Variants in ARHGEF26 observed in about 807,000 individuals in gnomAD.
ARHGEF26 encodes Rho guanine nucleotide exchange factor (GEF) 26.
ARHGEF26 carries 59 observed loss-of-function variants against 89.4 expected under a neutral mutation model. The ratio of observed to expected loss-of-function variants is 0.66; its 90% CI spans 0.54 to 0.82. ARHGEF26 has a LOEUF of 0.82. Among genes scored for constraint, ARHGEF26 ranks in the 40% least tolerant of loss-of-function variants. The probability of loss-of-function intolerance (pLI) is 0.00; values close to 1 mark genes in which losing one functional copy is unlikely to be tolerated. For missense variants in ARHGEF26, 1,234 were observed against 1,085.6 expected (o/e 1.14, Z -1.92); for synonymous variants, 500 against 428.4 (o/e 1.17, Z -2.06).
chr3:154,250,533 A>G (rs1310452773), intron 12 of ARHGEF26, among the ~76,000 whole-genome samples: 1 of 152,244 alleles, frequency 6.6e-6, no homozygotes, highest in African/African-American at 2.4e-5. Flanking sequence ...AGCATGCCAC[A>G]GAAGTGAAAG....
At position 154,150,823 on chromosome 3, in the gene ARHGEF26, A is replaced by T. The variant is rs77741542; in HGVS notation, c.1326+1378A>T. 9.0e-3 allele frequency among the ~76,000 whole-genome samples: 1,371 copies of T among 152,266 alleles called. 53 individuals are homozygous for T. The East Asian group carries it at 0.1, about 11-fold the overall frequency. On this transcript the variant is annotated intron_variant, in intron 5 of 14. Coordinates refer to ENST00000465093, the MANE Select transcript of ARHGEF26 (RefSeq NM_015595.4). ...TCATATTCTGAAAATATTTATTCAGACTTTCTATTCCTATATAGCAATTCC... is the reference window on the plus strand; with the variant it reads ...TCATATTCTGAAAATATTTATTCAGTCTTTCTATTCCTATATAGCAATTCC...
intron 7 of ARHGEF26, among the ~76,000 whole-genome samples, chr3:154,189,845 T>TTA (rs1713837670): frequency 6.6e-6 from 1 of 151,706 alleles, no homozygotes; most frequent in African/African-American, 2.4e-5. Flanking sequence ...TTTTTTTTTT[T>TTA]AACTTTCTAA....
chr3:154,176,956 T>C (rs550833077), intron 6 of ARHGEF26, among the ~76,000 whole-genome samples: 5 of 152,210 alleles, frequency 3.3e-5, no homozygotes, highest in Non-Finnish European at 7.4e-5. Context: ...GTAGAGTCTC[T>C]AAAAGGGGAT....
intron 11 of ARHGEF26, among the ~76,000 whole-genome samples, chr3:154,228,285 G>A (rs537575615): frequency 6.6e-6 from 1 of 151,766 alleles, no homozygotes; most frequent in Non-Finnish European, 1.5e-5. Context: ...TTACAGGCAT[G>A]CGCCACCATG....
chr3:154,192,629 G>GTT (rs1171014037), intron 8 of ARHGEF26, among the ~76,000 whole-genome samples: 1 of 152,106 alleles, frequency 6.6e-6, no homozygotes, highest in Non-Finnish European at 1.5e-5. Context: ...TATTTATCAT[G>GTT]TTTAAAGATA....
At chr3:154,147,758 T>C (rs1260050861) in intron 4 of ARHGEF26, among the ~76,000 whole-genome samples, 1 of 152,214 alleles carries the variant, frequency 6.6e-6, no homozygotes, top group Non-Finnish European at 1.5e-5. Context: ...TTAAAAACTT[T>C]GTACACATTC....
chr3:154,130,215 C>T (rs550690428), intron 4 of ARHGEF26, among the ~76,000 whole-genome samples: 15 of 132,854 alleles, frequency 1.1e-4, no homozygotes, highest in South Asian at 7.3e-4. Flanking sequence ...GGCGTGATCT[C>T]GGCTCACTGC....
Position 154,240,580 on chromosome 3 carries a change from G to A in ARHGEF26, c.2300+1G>A, listed in dbSNP as rs1383765501. 1 of 1,602,364 alleles carries A rather than the reference G, an allele frequency of 6.2e-7. No homozygotes were observed. The highest frequency in any genetic ancestry group is 1.1e-5 in the South Asian group (1 of 88,792). ...AGATGCTACTAGGAGCTGAGACGCA[G>A]TAAGTATATGTGGGGAAAAGATTGG... is the stretch of plus-strand genomic sequence containing the variant. On this transcript the variant is annotated splice_donor_variant, in intron 12 of 14. Coordinates refer to ENST00000465093, the MANE Select transcript of ARHGEF26 (RefSeq NM_015595.4). LOFTEE classifies it high-confidence loss of function.
chr3:154,248,604 C>G (rs1484978854), intron 12 of ARHGEF26, among the ~76,000 whole-genome samples: 2 of 152,042 alleles, frequency 1.3e-5, no homozygotes, highest in African/African-American at 4.8e-5. Flanking sequence ...TCATCACCAA[C>G]CCCAATAGGA....
intron 9 of ARHGEF26, among the ~76,000 whole-genome samples, chr3:154,197,510 G>A (rs913105405): frequency 6.6e-6 from 1 of 152,128 alleles, no homozygotes; most frequent in Non-Finnish European, 1.5e-5. Flanking sequence ...AGAACCAGAT[G>A]CTGCCTTAAT....
intron 9 of ARHGEF26, among the ~76,000 whole-genome samples, chr3:154,209,894 A>T (rs975599429): frequency 1.3e-5 from 2 of 152,148 alleles, no homozygotes; most frequent in African/African-American, 4.8e-5. Context: ...AAACGGTCTA[A>T]AGTCTAAAAC....
intron 6 of ARHGEF26, among the ~76,000 whole-genome samples, chr3:154,185,511 C>T (rs540294015): frequency 6.6e-6 from 1 of 152,180 alleles, no homozygotes; most frequent in East Asian, 1.9e-4. Flanking sequence ...CAAGAACAGC[C>T]AAATACAAGG....
intron 6 of ARHGEF26, 79 bp downstream of exon 6, chr3:154,153,011 C>T (rs1720118550): frequency 6.4e-6 from 8 of 1,241,074 alleles, no homozygotes; most frequent in Admixed American, 3.6e-5. Flanking sequence ...TAAAGGAAGG[C>T]ATTTCTGGTT....
At chr3:154,157,164 T>C (rs2108108983) in intron 6 of ARHGEF26, among the ~76,000 whole-genome samples, 1 of 144,702 alleles carries the variant, frequency 6.9e-6, no homozygotes, top group East Asian at 2.1e-4. Context: ...TCTTTTCTTC[T>C]TTTAAAACAT....
chr3:154,242,664 T>A (rs1274455216), intron 12 of ARHGEF26, among the ~76,000 whole-genome samples: 2 of 152,208 alleles, frequency 1.3e-5, no homozygotes, highest in East Asian at 3.8e-4. Flanking sequence ...CAAGAAGTTC[T>A]GCAGAGGATA....
Position 154,251,456 on chromosome 3 carries a change from T to C in ARHGEF26, c.2301-1660T>C, listed in dbSNP as rs72994669. Among the ~76,000 whole-genome samples, 866 of 152,322 alleles carry C rather than the reference T, an allele frequency of 5.7e-3. 12 individuals carry two copies. The highest frequency in any genetic ancestry group is 0.02 in the African/African-American group (826 of 41,566). On this transcript the variant is annotated intron_variant, in intron 12 of 14. Transcript: ENST00000465093. ...AATATGTGATGAGTTATATAATTCATTCATTAGCAGACATATACTGAGCCC... is the reference window on the plus strand; with the variant it reads ...AATATGTGATGAGTTATATAATTCACTCATTAGCAGACATATACTGAGCCC...
intron 10 of ARHGEF26, among the ~76,000 whole-genome samples, chr3:154,220,894 G>C (rs147932704): frequency 1.2e-4 from 19 of 152,048 alleles, no homozygotes; most frequent in African/African-American, 4.3e-4. Context: ...TAGCAAACTG[G>C]AGAAAAAAAT....
intron 3 of ARHGEF26, among the ~76,000 whole-genome samples, chr3:154,127,139 A>G (rs906986251): frequency 3.9e-5 from 6 of 152,242 alleles, no homozygotes; most frequent in Admixed American, 2.0e-4. Context: ...CTAGAACATT[A>G]CTGTACACTA....
intron 6 of ARHGEF26, among the ~76,000 whole-genome samples, chr3:154,182,935 G>T (rs1713274861): frequency 2.0e-5 from 3 of 152,036 alleles, no homozygotes; most frequent in Admixed American, 6.6e-5. Flanking sequence ...AACCACAAAA[G>T]ACCTAAAAAA....
Sources: gnomAD v4.1 joint callset for allele counts (sites outside exome capture counted in the v4.1 genomes callset) on GRCh38, gnomAD v4.1.1 for gene constraint, MANE v1.5 for transcripts, NCBI Gene and HGNC (gene_info 2026-07-23, HGNC 2026-07-21) for gene names.